Variants in AR observed in about 807,000 individuals in gnomAD.
The protein encoded by AR is dihydrotestosterone receptor.
A neutral mutation model predicts 53.9 loss-of-function variants in AR; 8 were observed. The observed-to-expected ratio is 0.15, with a 90% CI of 0.09 to 0.27. The LOEUF (loss-of-function observed/expected upper bound fraction) is 0.27. Among genes scored for constraint, AR ranks in the 10% least tolerant of loss-of-function variants. The probability of loss-of-function intolerance (pLI) is 1.00; values close to 1 mark genes in which losing one functional copy is unlikely to be tolerated. For missense variants in AR, 639 were observed against 742.5 expected, an observed-to-expected ratio of 0.86 and a Z score of 1.62; for synonymous variants, 359 against 316.4, an observed-to-expected ratio of 1.13 and a Z score of -1.43.
intron 3 of AR, among the ~76,000 whole-genome samples, chrX:67,703,201 C>T (rs1229497923): frequency 8.9e-6 from 1 of 112,132 alleles, no homozygotes; most frequent in Non-Finnish European, 1.9e-5. Flanking sequence ...AAAATTCTCT[C>T]TTTGGTTTCT....
chrX:67,702,770 C>A (rs1015204797), intron 3 of AR, among the ~76,000 whole-genome samples: 2 of 112,363 alleles, frequency 1.8e-5, no homozygotes, highest in Admixed American at 9.4e-5. Context: ...TGAAGGACTT[C>A]TTTTTCTAAT....
At chrX:67,624,594 G>T (rs1248967418) in intron 1 of AR, among the ~76,000 whole-genome samples, 2 of 110,818 alleles carry the variant, frequency 1.8e-5, no homozygotes, top group Non-Finnish European at 3.8e-5. Flanking sequence ...TATCACATTT[G>T]AATATAGATA....
In AR at chrX:67,545,782, G is replaced by A. The variant is rs150226204; in HGVS notation, c.636G>A (p.Arg212=). The A allele has an allele frequency of 3.2e-3, 3,849 of 1,210,606 alleles. 10 individuals carry two copies. Among genetic ancestry groups the A allele is most frequent in the South Asian group, 0.018 (1,015 of 56,775 alleles). Residue 212 remains arginine (R), a synonymous_variant, in exon 1 of 8, where the codon AGG becomes AGA. Transcript: ENST00000374690. The part of the protein sequence containing the change: ...VSEGSSSGRA[R]EASGAPTSSK... ...AAGGCAGCAGCAGCGGGAGAGCGAG[G>A]GAGGCCTCGGGGGCTCCCACTTCCT...
chrX:67,659,062 A>G lies in AR; in HGVS notation c.1768+15655A>G, dbSNP rs1027209142. 9.0e-5 allele frequency among the ~76,000 whole-genome samples: 10 copies of G among 110,608 alleles called. 1 individual carries two copies. Among genetic ancestry groups the G allele is most frequent in the Non-Finnish European group, 1.5e-4 (8 of 52,915 alleles). ...GGTAGAGACTCCAACATCATTACAG[A>G]ACTATAAATTACATGTGGAAAAGAA... On this transcript the variant is annotated intron_variant, in intron 2 of 7. Transcript: ENST00000374690.
intron 1 of AR, among the ~76,000 whole-genome samples, chrX:67,622,425 C>G (rs1452141643): frequency 9.0e-6 from 1 of 111,443 alleles, no homozygotes; most frequent in East Asian, 2.8e-4. Flanking sequence ...GAGAGTGATT[C>G]CAGGAGAAAA....
At chrX:67,644,129 C>T (rs1292831383) in intron 2 of AR, among the ~76,000 whole-genome samples, 1 of 112,333 alleles carries the variant, frequency 8.9e-6, no homozygotes, top group African/African-American at 3.2e-5. Flanking sequence ...CTCATGTCTG[C>T]TCAACCTCTA....
intron 2 of AR, among the ~76,000 whole-genome samples, chrX:67,662,289 T>G (rs1354764601): frequency 8.8e-4 from 98 of 111,122 alleles, no homozygotes; most frequent in Non-Finnish European, 1.2e-3. Context: ...ATGTTAGGGT[T>G]TCAATTTTGG....
chrX:67,680,533 G>A (rs1180576851), intron 2 of AR, among the ~76,000 whole-genome samples: 2 of 111,837 alleles, frequency 1.8e-5, no homozygotes, highest in Non-Finnish European at 3.8e-5. Flanking sequence ...CCACCATGAA[G>A]TTTTTTGTTT....
At chrX:67,555,452 G>A (rs1422928696) in intron 1 of AR, among the ~76,000 whole-genome samples, 2 of 111,994 alleles carry the variant, frequency 1.8e-5, no homozygotes, top group Non-Finnish European at 3.8e-5. Context: ...AGTTTCTTTG[G>A]CTATATCATT....
At chrX:67,580,013 G>A (rs1950822915) in intron 1 of AR, among the ~76,000 whole-genome samples, 1 of 110,576 alleles carries the variant, frequency 9.0e-6, no homozygotes, top group Non-Finnish European at 1.9e-5. Flanking sequence ...CCAATCGCTA[G>A]TGGTGTGGCC....
intron 2 of AR, among the ~76,000 whole-genome samples, chrX:67,664,146 T>G: frequency 8.9e-6 from 1 of 112,495 alleles, no homozygotes; most frequent in Middle Eastern, 4.6e-3. Flanking sequence ...CATCCAGCTT[T>G]GTTCCATTGC....
At position 67,687,799 on chromosome X, in the gene AR, G is replaced by A. The variant is rs904660321; in HGVS notation, c.1885+1673G>A. ...TGCCATCTGGCAATATGAATTGCAA[G>A]TCCACTTTGATGCAGGTAAAGTTTA... On this transcript the variant is annotated intron_variant, in intron 3 of 7. Coordinates refer to ENST00000374690, the MANE Select transcript of AR (RefSeq NM_000044.6). Among the ~76,000 whole-genome samples the A allele has an allele frequency of 1.7e-4, 19 of 112,267 alleles. 1 individual carries two copies. Among genetic ancestry groups the A allele is most frequent in the Admixed American group, 1.9e-4 (2 of 10,610 alleles).
At chrX:67,580,809 C>T (rs1922263628) in intron 1 of AR, among the ~76,000 whole-genome samples, 1 of 111,201 alleles carries the variant, frequency 9.0e-6, no homozygotes, top group African/African-American at 3.3e-5. Flanking sequence ...ATCCATTTTC[C>T]CCACTAGATT....
chrX:67,551,361 A>C (rs1929992103), intron 1 of AR, among the ~76,000 whole-genome samples: 1 of 111,451 alleles, frequency 9.0e-6, no homozygotes, highest in Admixed American at 9.5e-5. Context: ...ATATTAAAGA[A>C]ATTATTCTAT....
intron 1 of AR, among the ~76,000 whole-genome samples, chrX:67,630,262 T>C (rs1282612116): frequency 9.0e-6 from 1 of 111,154 alleles, no homozygotes. Context: ...ATTATTAATG[T>C]GTGAGAGTCT....
Position 67,546,391 on chromosome X carries a change from T to G in AR, c.1245T>G (p.His415Gln), listed in dbSNP as rs2147320920. 8.4e-7 allele frequency: 1 copy of G among 1,183,940 alleles called. No individual in the cohort carries two copies. The highest frequency in any genetic ancestry group is 1.1e-6 in the Non-Finnish European group (1 of 882,278). ...QCRYGDLASL[H>Q]GAGAAGPGSG... ...GCTATGGGGACCTGGCGAGCCTGCA[T>G]GGCGCGGGTGCAGCGGGACCCGGTT... is the stretch of plus-strand genomic sequence containing the variant. The change falls in exon 1 of 8, where the codon CAT becomes CAG. Residue 415 changes from histidine to glutamine, a missense_variant. Physicochemically the swap from His to Gln is conservative, Grantham distance 24. Around this residue, in one of 5 missense-constraint regions of AR, gnomAD observed 423 missense variants for 377.0 expected, o/e 1.12. Transcript: ENST00000374690.
chrX:67,703,434 G>A (rs764399113), intron 3 of AR, among the ~76,000 whole-genome samples: 4 of 111,700 alleles, frequency 3.6e-5, no homozygotes, highest in African/African-American at 9.8e-5. Flanking sequence ...TAAGGTTTGA[G>A]TTTTGGATTA....
intron 1 of AR, among the ~76,000 whole-genome samples, chrX:67,634,594 A>T (rs1389859031): frequency 8.9e-6 from 1 of 112,080 alleles, no homozygotes; most frequent in African/African-American, 3.2e-5. Context: ...TTGAAAAGCT[A>T]TGAACTAAAT....
intron 1 of AR, among the ~76,000 whole-genome samples, chrX:67,622,756 A>G (rs751389290): frequency 8.9e-6 from 1 of 111,899 alleles, no homozygotes; most frequent in African/African-American, 3.2e-5. Flanking sequence ...TAGGGCTGAG[A>G]ACATGGTGGC....
Sources: gnomAD v4.1 joint callset for allele counts (sites outside exome capture counted in the v4.1 genomes callset) on GRCh38, gnomAD v4.1.1 for gene constraint, gnomAD v4.1.1 regional missense constraint, MANE v1.5 for transcripts, NCBI Gene and HGNC (gene_info 2026-07-23, HGNC 2026-07-21) for gene names.